Variants in BCAS3 observed in about 807,000 individuals in gnomAD.
BCAS3 encodes the protein BCAS4/BCAS3 fusion.
Under a neutral mutation model 116.1 loss-of-function variants are expected in BCAS3, and 53 were observed. The ratio of observed to expected loss-of-function variants is 0.46; its 90% CI spans 0.37 to 0.57. BCAS3 has a LOEUF of 0.57. BCAS3 is among the 20% of genes least tolerant of loss of function. The probability of loss-of-function intolerance (pLI) is 0.00; values close to 1 mark genes in which losing one functional copy is unlikely to be tolerated. For synonymous variants in BCAS3, 391 were observed against 408.2 expected (o/e 0.96, Z 0.51); for missense variants, 917 against 1,165.4 (o/e 0.79, Z 3.10).
Position 61,145,575 on chromosome 17 carries a change from A to G in BCAS3, c.2425+61011A>G, listed in dbSNP as rs920892829. Among the ~76,000 whole-genome samples, 2 of 152,244 alleles carry G rather than the reference A, an allele frequency of 1.3e-5. No homozygotes were observed. Among genetic ancestry groups the G allele is most frequent in the Non-Finnish European group, 2.9e-5 (2 of 68,040 alleles). On this transcript the variant is annotated intron_variant, in intron 22 of 23. Coordinates refer to ENST00000407086, the MANE Select transcript of BCAS3 (RefSeq NM_017679.5). This position sits in a 1 kb window ranked among gnomAD's most constrained non-coding sequence, Gnocchi z 5.0. Reference sequence around the variant, plus strand: ...TTCCAACCATCTTGCTGATCTGTGCAGGAGTTCATTGAACTGTACAGCACA... The same window carrying G: ...TTCCAACCATCTTGCTGATCTGTGCGGGAGTTCATTGAACTGTACAGCACA...
intron 14 of BCAS3, among the ~76,000 whole-genome samples, chr17:60,950,966 C>T (rs1054332035): frequency 6.6e-5 from 10 of 152,134 alleles, no homozygotes; most frequent in East Asian, 5.8e-4. Flanking sequence ...TAGTGAATCC[C>T]GTGGAGATTT....
intron 22 of BCAS3, among the ~76,000 whole-genome samples, chr17:61,271,800 C>T (rs571044893): frequency 1.3e-5 from 2 of 151,966 alleles, no homozygotes; most frequent in African/African-American, 4.8e-5. Flanking sequence ...TTTCCTAGAA[C>T]CATTTGGGGT....
intron 5 of BCAS3, among the ~76,000 whole-genome samples, chr17:60,716,508 G>C (rs1433217381): frequency 6.6e-6 from 1 of 151,808 alleles, no homozygotes; most frequent in Non-Finnish European, 1.5e-5. Flanking sequence ...GGTGGCTCAC[G>C]CCTATACTCC....
rs571456290 is a variant in BCAS3 at position 60,892,316 on chromosome 17, T to A, written c.738+2545T>A. Among the ~76,000 whole-genome samples the A allele has an allele frequency of 1.5e-4, 23 of 151,326 alleles. 1 individual carries two copies. The South Asian group carries it at 1.9e-3, about 12-fold the overall frequency. ...AACATCTGTTGTTTTTGACTTATTT[T>A]TTTTTTTTTTTTTGAGACAGAGTTT... On this transcript the variant is annotated intron_variant, in intron 10 of 23. Coordinates refer to ENST00000407086, the MANE Select transcript of BCAS3 (RefSeq NM_017679.5).
chr17:61,107,077 G>C (rs1340627512), intron 22 of BCAS3, among the ~76,000 whole-genome samples: 1 of 134,992 alleles, frequency 7.4e-6, no homozygotes, highest in Non-Finnish European at 1.6e-5. Flanking sequence ...CTAACACTAG[G>C]CTTACTTTTT....
At chr17:61,263,266 G>A (rs2049384014) in intron 22 of BCAS3, among the ~76,000 whole-genome samples, 1 of 152,342 alleles carries the variant, frequency 6.6e-6, no homozygotes, top group Middle Eastern at 3.4e-3. Context: ...TGGGCCTGAA[G>A]CTGCAAGCAG....
At chr17:61,064,151 C>T (rs2070363374) in intron 19 of BCAS3, among the ~76,000 whole-genome samples, 1 of 152,088 alleles carries the variant, frequency 6.6e-6, no homozygotes, top group African/African-American at 2.4e-5. Flanking sequence ...ATATTAGAGG[C>T]TGGGTGTCAT....
chr17:60,808,055 G>C lies in BCAS3; in HGVS notation c.455G>C (p.Cys152Ser), dbSNP rs2048446597. 1 of 1,606,964 alleles carries C rather than the reference G, an allele frequency of 6.2e-7. No individual in the cohort carries two copies. The highest frequency in any genetic ancestry group is 8.5e-7 in the Non-Finnish European group (1 of 1,175,880). The change falls in exon 7 of 24, where the codon TGT (cysteine) becomes TCT (serine). Residue 152 changes from cysteine to serine, a missense_variant. By Grantham distance (112) the Cys-to-Ser change is moderately radical. Transcript: ENST00000407086. ...GAAAAAAGACCCCTCCTTGGTGTTT[G>C]TAAGAGCATTGGATCTTCTGGGTAA... The part of the protein sequence containing the change: ...FAEKRPLLGV[C>S]KSIGSSGTSP...
At chr17:61,303,370 G>T (rs1049279654) in intron 22 of BCAS3, among the ~76,000 whole-genome samples, 2 of 152,150 alleles carry the variant, frequency 1.3e-5, no homozygotes, top group African/African-American at 2.4e-5. Flanking sequence ...CTTCTGAACG[G>T]CCAGAGAAAC....
intron 14 of BCAS3, among the ~76,000 whole-genome samples, chr17:60,955,757 G>A (rs1420943835): frequency 6.6e-6 from 1 of 152,012 alleles, no homozygotes; most frequent in East Asian, 1.9e-4. Context: ...TGCCTTTTAT[G>A]CTCTCGGCAC....
intron 22 of BCAS3, among the ~76,000 whole-genome samples, chr17:61,310,870 G>A (rs1030992143): frequency 1.3e-5 from 2 of 152,162 alleles, no homozygotes. Context: ...GTAGAATGCC[G>A]ATGAGGATCT....
chr17:61,252,580 TA>T (rs35399806), intron 22 of BCAS3, among the ~76,000 whole-genome samples: 36 of 145,470 alleles, frequency 2.5e-4, no homozygotes, highest in African/African-American at 2.5e-4. Flanking sequence ...GTGAAGGACT[TA>T]AAAAAAAAAA....
At chr17:60,946,685 G>T (rs1421091728) in intron 13 of BCAS3, among the ~76,000 whole-genome samples, 1 of 152,138 alleles carries the variant, frequency 6.6e-6, no homozygotes, top group African/African-American at 2.4e-5. Context: ...CACAACAGAA[G>T]GATTGCTTGA....
chr17:61,040,930 C>T, intron 19 of BCAS3, 38 bp downstream of exon 19: 2 of 1,515,916 alleles, frequency 1.3e-6, no homozygotes, highest in Middle Eastern at 3.4e-4. Flanking sequence ...TTCGTATGGT[C>T]TATTCAGATT....
chr17:61,197,660 A>G (rs1389833679), intron 22 of BCAS3, among the ~76,000 whole-genome samples: 1 of 152,184 alleles, frequency 6.6e-6, no homozygotes, highest in Non-Finnish European at 1.5e-5. Flanking sequence ...TGGACCCCTC[A>G]ATCAGGTATA....
At chr17:60,916,018 A>G (rs1277942603) in intron 12 of BCAS3, among the ~76,000 whole-genome samples, 2 of 152,090 alleles carry the variant, frequency 1.3e-5, no homozygotes, top group Admixed American at 6.6e-5. Flanking sequence ...GTTGTATTCC[A>G]TTGTATGAAT....
rs770407232 is a variant in BCAS3 at position 61,068,547 on chromosome 17, A to C, written c.2030-6373A>C. 6.6e-6 allele frequency among the ~76,000 whole-genome samples: 1 copy of C among 152,184 alleles called. No individual in the cohort carries two copies. The highest frequency in any genetic ancestry group is 1.5e-5 in the Non-Finnish European group (1 of 68,036). ...ATGAAACATTCTTCTCCTCTAAGCT[A>C]TGGAGAACATGGTAAGGTTGTCACA... On this transcript the variant is annotated intron_variant, in intron 19 of 23. Transcript: ENST00000407086. This position sits in a 1 kb window ranked among gnomAD's most constrained non-coding sequence, Gnocchi z 4.3.
intron 22 of BCAS3, among the ~76,000 whole-genome samples, chr17:61,092,311 TA>T (rs2073640945): frequency 6.6e-6 from 1 of 152,224 alleles, no homozygotes; most frequent in Non-Finnish European, 1.5e-5. Context: ...AACATTTTTT[TA>T]TAAGTCTGTC....
rs995061512 is a variant in BCAS3, at chr17:61,196,368, C to G, written c.2425+111804C>G. Among the ~76,000 whole-genome samples the G allele has an allele frequency of 3.3e-5, 5 of 152,252 alleles. No individual in the cohort carries two copies. The highest frequency in any genetic ancestry group is 1.2e-4 in the African/African-American group (5 of 41,460). ...TAAAGCTGTTTGCATAGCGTGCTAA[C>G]TCTATCAGGGTCATTTCCAGTCTGT... is the stretch of plus-strand genomic sequence containing the variant. On this transcript the variant is annotated intron_variant, in intron 22 of 23. Transcript: ENST00000407086. The surrounding 1 kb of genome is among the most constrained non-coding windows in gnomAD (Gnocchi z 4.7).
Sources: allele counts gnomAD v4.1 joint callset (sites outside exome capture counted in the v4.1 genomes callset), GRCh38; gene constraint gnomAD v4.1.1; non-coding constraint Gnocchi (gnomAD v3.1); transcripts MANE v1.5; gene names NCBI Gene and HGNC (gene_info 2026-07-23, HGNC 2026-07-21).